VPS18: variants seen among roughly 807,000 people sequenced by gnomAD.
VPS18 encodes VPS18 core subunit of CORVET and HOPS complexes.
Under a neutral mutation model 82.0 loss-of-function variants are expected in VPS18, and 25 were observed. The observed-to-expected ratio is 0.30, with a 90% CI of 0.22 to 0.43. The LOEUF (loss-of-function observed/expected upper bound fraction) is 0.43. Ranked by LOEUF, VPS18 falls within the 20% of genes least tolerant of loss-of-function variation. The probability of loss-of-function intolerance (pLI) is 1.00; values close to 1 mark genes in which losing one functional copy is unlikely to be tolerated. For missense variants in VPS18, 1,168 were observed against 1,311.1 expected (o/e 0.89, Z 1.69); for synonymous variants, 523 against 543.0 (o/e 0.96, Z 0.51).
At chr15:40,895,912 ATCT>A (rs763130122) in intron 1 of VPS18, 23 bp from the exon 2 acceptor site, 7 of 1,613,728 alleles carry the variant, frequency 4.3e-6, no homozygotes, top group East Asian at 4.5e-5. Flanking sequence ...TCCACAGCTA[ATCT>A]TCTTGTCATT....
Position 40,899,919 on chromosome 15 carries a change from G to T in VPS18, c.1101G>T (p.Lys367Asn), listed in dbSNP as rs948141523. 3 of 1,612,746 alleles carry T rather than the reference G, an allele frequency of 1.9e-6. No homozygotes were observed. The East Asian group carries it at 6.7e-5, about 36-fold the overall frequency. The change falls in exon 4 of 5, where the codon AAG becomes AAT. Residue 367 changes from lysine to asparagine, a missense_variant. By Grantham distance (94) the Lys-to-Asn change is moderately conservative. Around this residue, in one of 3 missense-constraint regions of VPS18, gnomAD observed 868 missense variants for 939.8 expected, o/e 0.92. Coordinates refer to ENST00000220509, the MANE Select transcript of VPS18 (RefSeq NM_020857.3). This position sits in a 1 kb window ranked among gnomAD's most constrained non-coding sequence, Gnocchi z 4.4. The stretch of plus-strand genomic sequence containing the variant: ...TCCTGGAGAAATTTGGGCCGCTGAA[G>T]CACATGGTGAAGGACTCCTCCACAG... ...DHFLEKFGPL[K>N]HMVKDSSTGQ...
At position 40,903,292 on chromosome 15, in the gene VPS18, C is replaced by G. The variant is rs758597860; in HGVS notation, c.2873C>G (p.Pro958Arg). ...CTGATGATCCGCTCTATCGACCGGC[C>G]GTTCATCGACCCCCAGCGCTACGAG... Reference protein sequence around the residue: ...GELMIRSIDRPFIDPQRYEEE... With the variant: ...GELMIRSIDRRFIDPQRYEEE... Residue 958 changes from proline to arginine, a missense_variant, in exon 5 of 5, where the codon CCG (proline) becomes CGG (arginine). Around this residue, in one of 3 missense-constraint regions of VPS18, gnomAD observed 296 missense variants for 354.0 expected, o/e 0.84. Coordinates refer to ENST00000220509, the MANE Select transcript of VPS18 (RefSeq NM_020857.3). 2 of 1,564,094 alleles carry G rather than the reference C, an allele frequency of 1.3e-6. No homozygotes were observed.
chr15:40,894,798 C>G lies in VPS18; in HGVS notation c.30C>G (p.Asn10Lys), dbSNP rs1255105473. The G allele has an allele frequency of 6.4e-7, 1 of 1,554,172 alleles. No individual in the cohort carries two copies. Among genetic ancestry groups the G allele is most frequent in the South Asian group, 1.2e-5 (1 of 84,228 alleles). The stretch of plus-strand genomic sequence containing the variant: ...CGTCCATCCTGGATGAGTACGAGAA[C>G]TCGCTGTCCCGCTCGGCCGTCTTGC... The part of the protein sequence containing the change: MASILDEYE[N>K]SLSRSAVLQP... Residue 10 changes from asparagine (N) to lysine (K), a missense_variant, in exon 1 of 5, where the codon AAC (asparagine) becomes AAG (lysine). Coordinates refer to ENST00000220509, the MANE Select transcript of VPS18 (RefSeq NM_020857.3).
In VPS18 at chr15:40,900,962, A is replaced by G. The variant is rs1460839159; in HGVS notation, c.2144A>G (p.His715Arg). ...AEHGHHRACV[H>R]VYKVLELYEE... ...CATGGCCACCACCGCGCTTGTGTCCATGTCTACAAGGTCCTAGAGCTGTAT... is the reference window on the plus strand; with the variant it reads ...CATGGCCACCACCGCGCTTGTGTCCGTGTCTACAAGGTCCTAGAGCTGTAT... The change falls in exon 4 of 5, where the codon CAT becomes CGT. Residue 715 changes from histidine (H) to arginine (R), a missense_variant. By Grantham distance (29) the His-to-Arg change is conservative. Coordinates refer to ENST00000220509, the MANE Select transcript of VPS18 (RefSeq NM_020857.3). This position sits in a 1 kb window ranked among gnomAD's most constrained non-coding sequence, Gnocchi z 5.4. 1.2e-6 allele frequency: 2 copies of G among 1,611,246 alleles called. No individual in the cohort carries two copies. The highest frequency in any genetic ancestry group is 2.7e-5 in the African/African-American group (2 of 74,918).
Position 40,900,915 on chromosome 15 carries a change from T to C in VPS18, c.2097T>C (p.Tyr699=), listed in dbSNP as rs201830463. The C allele has an allele frequency of 3.8e-4, 619 of 1,613,832 alleles. 1 individual carries two copies. The highest frequency in any genetic ancestry group is 1.0e-3 in the Admixed American group (62 of 60,030). Reference sequence around the variant, plus strand: ...ACCGGGTGCATTACGACCTCAAGTATGCGCTGCGGCTCTGCGCCGAGCATG... The same window carrying C: ...ACCGGGTGCATTACGACCTCAAGTACGCGCTGCGGCTCTGCGCCGAGCATG... ...SPHRVHYDLK[Y]ALRLCAEHGH... Residue 699 remains tyrosine (Y), a synonymous_variant, in exon 4 of 5, where the codon TAT becomes TAC. Coordinates refer to ENST00000220509, the MANE Select transcript of VPS18 (RefSeq NM_020857.3). The surrounding 1 kb of genome is among the most constrained non-coding windows in gnomAD (Gnocchi z 5.4).
rs370712436 is a variant in VPS18, at chr15:40,899,289, A to G, written c.471A>G (p.Thr157=). ...AGGCACTGGGCACGGAGAGCAGCAC[A>G]GGCCCCATCCTGGTCGGGACTGCCC... The part of the protein sequence containing the change: ...WNKALGTESS[T]GPILVGTAQG... The change falls in exon 4 of 5, where the codon ACA becomes ACG. Residue 157 remains threonine, a synonymous_variant. Coordinates refer to ENST00000220509, the MANE Select transcript of VPS18 (RefSeq NM_020857.3). The surrounding 1 kb of genome is among the most constrained non-coding windows in gnomAD (Gnocchi z 4.4). 1.2e-6 allele frequency: 2 copies of G among 1,614,226 alleles called. No individual in the cohort carries two copies. Among genetic ancestry groups the G allele is most frequent in the African/African-American group, 2.7e-5 (2 of 75,062 alleles).
rs762936640 is a variant in VPS18, at chr15:40,900,389, G to A, written c.1571G>A (p.Arg524Gln). Residue 524 changes from arginine (R) to glutamine (Q), a missense_variant, in exon 4 of 5, where the codon CGA becomes CAA. Arg to Gln is a conservative substitution (Grantham distance 43, BLOSUM62 1). Coordinates refer to ENST00000220509, the MANE Select transcript of VPS18 (RefSeq NM_020857.3). This position sits in a 1 kb window ranked among gnomAD's most constrained non-coding sequence, Gnocchi z 5.4. Reference sequence around the variant, plus strand: ...TACCGAGAAACCAAGGAATGCTTTCGAACCTTCCTCAGCAGCCCCCGCCAC... The same window carrying A: ...TACCGAGAAACCAAGGAATGCTTTCAAACCTTCCTCAGCAGCCCCCGCCAC... ...TLYRETKECF[R>Q]TFLSSPRHKE... 4.5e-5 allele frequency: 72 copies of A among 1,613,510 alleles called. No individual in the cohort carries two copies. The highest frequency in any genetic ancestry group is 1.3e-4 in the East Asian group (6 of 44,878).
intron 4 of VPS18, 125 bp downstream of exon 4, chr15:40,901,139 G>A: frequency 1.0e-6 from 1 of 984,080 alleles, no homozygotes; most frequent in Non-Finnish European, 1.5e-6. Context: ...GGAAGGTTAA[G>A]AGCATGGACT....
chr15:40,903,623 C>T lies in VPS18; in HGVS notation c.*282C>T, dbSNP rs1388243022. On this transcript the variant is annotated 3_prime_UTR_variant, in exon 5 of 5. Transcript: ENST00000220509. ...GTCAGAAATCTGACCCAATTCCACCCCCTGCCTCTAGCACCTCTTCTGTCC... is the reference window on the plus strand; with the variant it reads ...GTCAGAAATCTGACCCAATTCCACCTCCTGCCTCTAGCACCTCTTCTGTCC... The T allele has an allele frequency of 1.2e-5, 4 of 346,610 alleles. No homozygotes were observed. Among genetic ancestry groups the T allele is most frequent in the African/African-American group, 8.4e-5 (4 of 47,432 alleles). The allele number at this position is 346,610 out of a possible 1,614,324, so 21.5% of individuals were successfully genotyped here.
In VPS18 at chr15:40,899,369, C is replaced by T. The variant is rs1308615027; in HGVS notation, c.551C>T (p.Pro184Leu). 1.2e-6 allele frequency: 2 copies of T among 1,611,258 alleles called. No individual in the cohort carries two copies. The highest frequency in any genetic ancestry group is 2.2e-5 in the East Asian group (1 of 44,802). The change falls in exon 4 of 5, where the codon CCT (proline) becomes CTT (leucine). Residue 184 changes from proline to leucine, a missense_variant. Transcript: ENST00000220509. This position sits in a 1 kb window ranked among gnomAD's most constrained non-coding sequence, Gnocchi z 4.4. ...GCCAGCGAAGGTGGGCTTTTCGGCC[C>T]TGCTCCGGATCTCTACTTCCGCCCA... ...LSASEGGLFG[P>L]APDLYFRPLY...
chr15:40,899,492 G>T lies in VPS18; in HGVS notation c.674G>T (p.Arg225Leu). The T allele has an allele frequency of 6.2e-7, 1 of 1,611,486 alleles. No homozygotes were observed. Among genetic ancestry groups the T allele is most frequent in the East Asian group, 2.2e-5 (1 of 44,850 alleles). ...DGRSFVIATTRQRLFQFIGRA... is the reference protein window; with the variant it reads ...DGRSFVIATTLQRLFQFIGRA... The stretch of plus-strand genomic sequence containing the variant: ...CGTAGCTTTGTTATTGCCACCACTC[G>T]GCAGCGCCTCTTCCAGTTCATAGGC... The change falls in exon 4 of 5, where the codon CGG (arginine) becomes CTG (leucine). Residue 225 changes from arginine to leucine, a missense_variant. By Grantham distance (102) the Arg-to-Leu change is moderately radical. Transcript: ENST00000220509. This position sits in a 1 kb window ranked among gnomAD's most constrained non-coding sequence, Gnocchi z 4.4.
intron 2 of VPS18, among the ~76,000 whole-genome samples, chr15:40,898,321 A>C (rs562073736): frequency 1.9e-4 from 29 of 149,298 alleles, no homozygotes; most frequent in South Asian, 1.9e-3. Context: ...CAGGCCTCAA[A>C]CTCCTGGGCT....
chr15:40,902,342 T>C lies in VPS18; in HGVS notation c.2197-274T>C, dbSNP rs1473510925. On this transcript the variant is annotated intron_variant, in intron 4 of 4. Coordinates refer to ENST00000220509, the MANE Select transcript of VPS18 (RefSeq NM_020857.3). The surrounding 1 kb of genome is among the most constrained non-coding windows in gnomAD (Gnocchi z 4.2). Reference sequence around the variant, plus strand: ...GTTAGCCAGGATGGTCTCGATCTCCTGACCTCGTGATCTGCCTGCCTTGGC... The same window carrying C: ...GTTAGCCAGGATGGTCTCGATCTCCCGACCTCGTGATCTGCCTGCCTTGGC... Among the ~76,000 whole-genome samples, 1 of 152,190 alleles carries C rather than the reference T, an allele frequency of 6.6e-6. No homozygotes were observed. Among genetic ancestry groups the C allele is most frequent in the Non-Finnish European group, 1.5e-5 (1 of 68,022 alleles).
At position 40,900,138 on chromosome 15, in the gene VPS18, G is replaced by A; in HGVS notation, c.1320G>A (p.Leu440=). The part of the protein sequence containing the change: ...ADFCFRQRRY[L]ESARCYALTQ... The stretch of plus-strand genomic sequence containing the variant: ...TCTGCTTTCGCCAGCGTCGCTACCT[G>A]GAGAGCGCACGCTGCTATGCCCTGA... Residue 440 remains leucine (L), a synonymous_variant, in exon 4 of 5, where the codon CTG becomes CTA. Transcript: ENST00000220509. This position sits in a 1 kb window ranked among gnomAD's most constrained non-coding sequence, Gnocchi z 5.4. 1 of 1,613,790 alleles carries A rather than the reference G, an allele frequency of 6.2e-7. No individual in the cohort carries two copies.
In VPS18 at chr15:40,902,625, G is replaced by A. The variant is rs770201151; in HGVS notation, c.2206G>A (p.Asp736Asn). The change falls in exon 5 of 5, where the codon GAC becomes AAC. Residue 736 changes from aspartate to asparagine, a missense_variant. By Grantham distance (23) the Asp-to-Asn change is conservative (BLOSUM62 1). Coordinates refer to ENST00000220509, the MANE Select transcript of VPS18 (RefSeq NM_020857.3). The surrounding 1 kb of genome is among the most constrained non-coding windows in gnomAD (Gnocchi z 4.2). ...CATGCTCTCCCCACAGGTGGATGTG[G>A]ACCTGGCCAAGCAGTGTGCAGACCT... The part of the protein sequence containing the change: ...AVDLALQVDV[D>N]LAKQCADLPE... The A allele has an allele frequency of 3.7e-6, 6 of 1,610,740 alleles. No individual in the cohort carries two copies. Among genetic ancestry groups the A allele is most frequent in the East Asian group, 4.5e-5 (2 of 44,800 alleles).
intron 1 of VPS18, among the ~76,000 whole-genome samples, 188 bp downstream of exon 1, chr15:40,895,047 G>A (rs960877340): frequency 2.6e-5 from 4 of 152,222 alleles, no homozygotes; most frequent in African/African-American, 9.6e-5. Context: ...AGAGCAACGG[G>A]AGCTGCCGCG....
rs777900206 is a variant in VPS18, at chr15:40,900,771, C to G, written c.1953C>G (p.Phe651Leu). 5 of 1,614,094 alleles carry G rather than the reference C, an allele frequency of 3.1e-6. No homozygotes were observed. The Admixed American group carries it at 8.3e-5, about 27-fold the overall frequency. The change falls in exon 4 of 5, where the codon TTC (phenylalanine) becomes TTG (leucine). Residue 651 changes from phenylalanine to leucine, a missense_variant. By Grantham distance (22) the Phe-to-Leu change is conservative. This residue lies in a region of VPS18 where 868 missense variants were observed against 939.8 expected (regional missense o/e 0.92). Coordinates refer to ENST00000220509, the MANE Select transcript of VPS18 (RefSeq NM_020857.3). The surrounding 1 kb of genome is among the most constrained non-coding windows in gnomAD (Gnocchi z 5.4). ...QVSQAIRYME[F>L]CVNVLGETEQ... ...GCCAGGCCATCCGCTACATGGAGTTCTGCGTGAACGTGCTGGGGGAGACTG... is the reference window on the plus strand; with the variant it reads ...GCCAGGCCATCCGCTACATGGAGTTGTGCGTGAACGTGCTGGGGGAGACTG...
Position 40,903,222 on chromosome 15 carries a change from G to C in VPS18, c.2803G>C (p.Asp935His). 6.2e-7 allele frequency: 1 copy of C among 1,611,910 alleles called. No individual in the cohort carries two copies. The highest frequency in any genetic ancestry group is 8.5e-7 in the Non-Finnish European group (1 of 1,179,232). The stretch of plus-strand genomic sequence containing the variant: ...GCCCAGCCGGGAACAGCTCAAGGCT[G>C]ACCTGGATGAGTTGGTGGCCGCTGA... ...AGPSREQLKA[D>H]LDELVAAECV... is the part of the protein sequence containing the mutation. Residue 935 changes from aspartate (D) to histidine (H), a missense_variant, in exon 5 of 5, where the codon GAC (aspartate) becomes CAC (histidine). Around this residue, in one of 3 missense-constraint regions of VPS18, gnomAD observed 296 missense variants for 354.0 expected, o/e 0.84. Transcript: ENST00000220509.
At chr15:40,898,747 A>T in intron 2 of VPS18, 160 bp from the exon 3 acceptor site, 1 of 785,748 alleles carries the variant, frequency 1.3e-6, no homozygotes, top group Non-Finnish European at 2.1e-6. Context: ...TGCTGGGATT[A>T]CAGGCTGAGC....
Sources: gnomAD v4.1 joint callset for allele counts (sites outside exome capture counted in the v4.1 genomes callset) on GRCh38, gnomAD v4.1.1 for gene constraint, gnomAD v4.1.1 regional missense constraint, Gnocchi (gnomAD v3.1) non-coding constraint, MANE v1.5 for transcripts, NCBI Gene and HGNC (gene_info 2026-07-23, HGNC 2026-07-21) for gene names.